Variants in ULK4 observed in about 807,000 individuals in gnomAD.
ULK4 encodes the protein inactive serine/threonine-protein kinase ULK4.
Under a neutral mutation model 160.6 loss-of-function variants are expected in ULK4, and 133 were observed. That is an observed-to-expected ratio of 0.83 (90% CI 0.72 to 0.96). The LOEUF (loss-of-function observed/expected upper bound fraction) is 0.96. Among genes scored for constraint, ULK4 ranks in the 40% least tolerant of loss-of-function variants. The pLI, the probability that ULK4 is intolerant of heterozygous loss-of-function variation, is 0.00. For synonymous variants in ULK4, 534 were observed against 539.8 expected (o/e 0.99, Z 0.15); for missense variants, 1,580 against 1,499.5 (o/e 1.05, Z -0.89).
intron 32 of ULK4, among the ~76,000 whole-genome samples, chr3:41,505,793 T>C (rs2085353367): frequency 1.3e-5 from 2 of 152,294 alleles, no homozygotes; most frequent in Non-Finnish European, 1.5e-5. Flanking sequence ...CTACTTTTAA[T>C]GCATCTATTT....
intron 32 of ULK4, among the ~76,000 whole-genome samples, chr3:41,558,765 G>C (rs1453727539): frequency 6.6e-6 from 1 of 151,622 alleles, no homozygotes; most frequent in Non-Finnish European, 1.5e-5. Flanking sequence ...TTCTTCGGTG[G>C]GCGGGGGGAA....
intron 18 of ULK4, among the ~76,000 whole-genome samples, chr3:41,834,304 T>C (rs1431681611): frequency 6.6e-6 from 1 of 152,092 alleles, no homozygotes; most frequent in East Asian, 1.9e-4. Flanking sequence ...ATGTAAATAC[T>C]ACTTTTGTGC....
At chr3:41,405,985 A>G (rs2082286032) in intron 34 of ULK4, among the ~76,000 whole-genome samples, 1 of 151,988 alleles carries the variant, frequency 6.6e-6, no homozygotes, top group African/African-American at 2.4e-5. Context: ...GGTCCTGTCC[A>G]TCAATTTTTG....
chr3:41,311,960 A>ATTTTATTTTATTTTATTTTATTTTAT (rs2080059187), intron 35 of ULK4, among the ~76,000 whole-genome samples: 1 of 147,242 alleles, frequency 6.8e-6, no homozygotes, highest in African/African-American at 2.6e-5. Flanking sequence ...TCTAACACAC[A>ATTTTATTTTATTTTATTTTATTTTAT]TTTATTTTAT....
chr3:41,484,704 G>A (rs977649605), intron 32 of ULK4, among the ~76,000 whole-genome samples: 21 of 152,024 alleles, frequency 1.4e-4, no homozygotes, highest in Non-Finnish European at 1.2e-4. Flanking sequence ...CGCCCACCTT[G>A]GCCTCCCAAA....
chr3:41,546,766 TTAAAAAA>T (rs374091590), intron 32 of ULK4, among the ~76,000 whole-genome samples: 4,074 of 122,232 alleles, frequency 0.033, 200 homozygotes, highest in African/African-American at 0.13. Context: ...CCCTAGGCCC[TTAAAAAA>T]AAAAAAAAAA....
chr3:41,706,361 TTA>T (rs147319463), intron 25 of ULK4, among the ~76,000 whole-genome samples: 14 of 131,518 alleles, frequency 1.1e-4, no homozygotes, highest in African/African-American at 3.7e-4. Context: ...ATATATATAT[TTA>T]TATATATATT....
intron 17 of ULK4, among the ~76,000 whole-genome samples, chr3:41,873,884 T>C (rs1457915732): frequency 6.6e-6 from 1 of 151,250 alleles, no homozygotes; most frequent in Non-Finnish European, 1.5e-5. Flanking sequence ...TTTTTTTGTT[T>C]TTTTTTTTTG....
chr3:41,619,868 C>G (rs758959608), intron 30 of ULK4, among the ~76,000 whole-genome samples: 4 of 152,014 alleles, frequency 2.6e-5, no homozygotes, highest in Non-Finnish European at 5.9e-5. Context: ...AGATGGAACA[C>G]TAGCTAGACT....
rs73830263 is a variant in ULK4 at position 41,582,494 on chromosome 3, A to G, written c.3121-16364T>C. 3.3e-3 allele frequency among the ~76,000 whole-genome samples: 506 copies of G among 152,318 alleles called. 3 individuals are homozygous for G. Among genetic ancestry groups the G allele is most frequent in the African/African-American group, 0.012 (484 of 41,570 alleles). On this transcript the variant is annotated intron_variant, in intron 31 of 36. Transcript: ENST00000301831. ...ACCTATATTATGTCTGCATAGAGCA[A>G]GCAGAAGCAGAGGTACGTCAGCCTC...
chr3:41,498,658 C>T (rs57128568), intron 32 of ULK4, among the ~76,000 whole-genome samples: 6,069 of 151,388 alleles, frequency 0.04, 371 homozygotes, highest in African/African-American at 0.13. Flanking sequence ...TGCAGTGGCA[C>T]GATCTCAGCC....
At chr3:41,619,000 C>T (rs946447376) in intron 30 of ULK4, among the ~76,000 whole-genome samples, 6 of 151,288 alleles carry the variant, frequency 4.0e-5, no homozygotes, top group Non-Finnish European at 8.8e-5. Flanking sequence ...TTAAAATAGA[C>T]TTTAAACCAA....
At chr3:41,506,330 C>A (rs915819580) in intron 32 of ULK4, among the ~76,000 whole-genome samples, 2 of 152,032 alleles carry the variant, frequency 1.3e-5, no homozygotes, top group Non-Finnish European at 2.9e-5. Flanking sequence ...ATCTTTTGGT[C>A]CTGGAGACAG....
chr3:41,890,267 A>G (rs1303346616), intron 16 of ULK4, among the ~76,000 whole-genome samples: 1 of 152,240 alleles, frequency 6.6e-6, no homozygotes, highest in Non-Finnish European at 1.5e-5. Context: ...TGAGAAAGCA[A>G]AAGAAAATTT....
intron 27 of ULK4, among the ~76,000 whole-genome samples, chr3:41,694,119 G>T (rs942330737): frequency 6.6e-6 from 1 of 152,190 alleles, no homozygotes; most frequent in Non-Finnish European, 1.5e-5. Flanking sequence ...AAAATGTGCT[G>T]ATGATGCTGG....
chr3:41,774,936 G>A (rs1335720556), intron 21 of ULK4, among the ~76,000 whole-genome samples: 2 of 150,344 alleles, frequency 1.3e-5, no homozygotes, highest in Non-Finnish European at 2.9e-5. Context: ...CATGGATGAA[G>A]CTGGAAACCA....
At chr3:41,690,204 C>T (rs1469825013) in intron 27 of ULK4, among the ~76,000 whole-genome samples, 1 of 150,028 alleles carries the variant, frequency 6.7e-6, no homozygotes, top group South Asian at 2.1e-4. Flanking sequence ...AAAAACCAAA[C>T]ACCGCATATT....
chr3:41,863,040 C>T (rs927854266), intron 17 of ULK4, among the ~76,000 whole-genome samples: 30 of 151,202 alleles, frequency 2.0e-4, no homozygotes, highest in Non-Finnish European at 3.5e-4. Context: ...CCCTTCAGGG[C>T]GGCAAGGTCC....
intron 29 of ULK4, among the ~76,000 whole-genome samples, chr3:41,667,365 G>T (rs1258192962): frequency 1.3e-5 from 2 of 152,042 alleles, no homozygotes; most frequent in East Asian, 3.8e-4. Flanking sequence ...ATTCATAATG[G>T]GCATGTTTAG....
Sources: allele counts gnomAD v4.1 joint callset (sites outside exome capture counted in the v4.1 genomes callset), GRCh38; gene constraint gnomAD v4.1.1; transcripts MANE v1.5; gene names NCBI Gene and HGNC (gene_info 2026-07-23, HGNC 2026-07-21).